The following DDR2 variants were observed in gnomAD, a reference collection of about 807,000 sequenced individuals.
DDR2 encodes the protein discoidin domain-containing receptor 2.
In DDR2, 27 loss-of-function variants were observed where a neutral mutation model predicts 94.9. That is an observed-to-expected ratio of 0.28 (90% CI 0.21 to 0.39). DDR2 has a LOEUF of 0.39. DDR2 is among the 10% of genes least tolerant of loss of function. The pLI is 1.00. For synonymous variants in DDR2, 382 were observed against 377.2 expected (o/e 1.01, Z -0.15); for missense variants, 783 against 1,076.0 (o/e 0.73, Z 3.81).
intron 2 of DDR2, among the ~76,000 whole-genome samples, chr1:162,655,874 A>G (rs1156938760): frequency 6.6e-6 from 1 of 152,248 alleles, no homozygotes; most frequent in East Asian, 1.9e-4. Flanking sequence ...CACTACAACC[A>G]GGATAATAGT....
intron 3 of DDR2, among the ~76,000 whole-genome samples, chr1:162,751,185 A>G (rs1357577543): frequency 6.6e-6 from 1 of 152,246 alleles, no homozygotes; most frequent in East Asian, 1.9e-4. Flanking sequence ...ACAGCAAAAG[A>G]AACTACCATC....
intron 1 of DDR2, among the ~76,000 whole-genome samples, chr1:162,642,269 TTATC>T (rs556187876): frequency 1.3e-5 from 2 of 151,222 alleles, no homozygotes; most frequent in South Asian, 2.1e-4. Flanking sequence ...TTTTATTTAT[TTATC>T]TATCTATCTA....
At chr1:162,746,838 G>C (rs1662894799) in intron 3 of DDR2, among the ~76,000 whole-genome samples, 3 of 152,208 alleles carry the variant, frequency 2.0e-5, no homozygotes, top group African/African-American at 4.8e-5. Context: ...AATATTTGCT[G>C]TTCTGCAGCC....
At position 162,761,386 on chromosome 1, in the gene DDR2, G is replaced by A. The variant is rs775649903; in HGVS notation, c.1031G>A (p.Ser344Asn). The part of the protein sequence containing the change: ...VTVPLHHRMA[S>N]AIKCQYHFAD... ...GTGCCTCTCCACCACCGAATGGCCA[G>A]TGCCATCAAGTGTCAATACCATTTT... The change falls in exon 9 of 18, where the codon AGT (serine) becomes AAT (asparagine). Residue 344 changes from serine to asparagine, a missense_variant. This residue lies in a region of DDR2 where 519 missense variants were observed against 647.9 expected (regional missense o/e 0.80). Transcript: ENST00000367921. The A allele has an allele frequency of 1.2e-6, 2 of 1,614,078 alleles. No individual in the cohort carries two copies. Among genetic ancestry groups the A allele is most frequent in the African/African-American group, 2.7e-5 (2 of 74,940 alleles).
chr1:162,703,821 C>T (rs1660536333), intron 2 of DDR2, among the ~76,000 whole-genome samples: 1 of 152,182 alleles, frequency 6.6e-6, no homozygotes, highest in Non-Finnish European at 1.5e-5. Flanking sequence ...CCCCTCCACC[C>T]AACCCCAGCC....
At chr1:162,734,115 CTTAT>C (rs1166055271) in intron 3 of DDR2, among the ~76,000 whole-genome samples, 4 of 152,188 alleles carry the variant, frequency 2.6e-5, no homozygotes, top group Non-Finnish European at 5.9e-5. Flanking sequence ...ACAGCAAAAA[CTTAT>C]TTATTAAATA....
chr1:162,670,160 G>A (rs1482437245), intron 2 of DDR2, among the ~76,000 whole-genome samples: 1 of 152,180 alleles, frequency 6.6e-6, no homozygotes, highest in African/African-American at 2.4e-5. Context: ...GCCCAGGCTG[G>A]AGTGCAGTGG....
rs77060974 is a variant in DDR2 at position 162,702,174 on chromosome 1, G to A, written c.-27-16863G>A. On this transcript the variant is annotated intron_variant, in intron 2 of 17. Transcript: ENST00000367921. ...TTTTTCTTCCCAGCTTCCTCCTCAC[G>A]TGGCGTTGTTGTGCATAAAGTTCTG... is the stretch of plus-strand genomic sequence containing the variant. Among the ~76,000 whole-genome samples, 253 of 152,028 alleles carry A rather than the reference G, an allele frequency of 1.7e-3. 5 individuals are homozygous for A. The East Asian group carries it at 0.036, about 21-fold the overall frequency.
At chr1:162,733,370 C>G (rs1510310) in intron 3 of DDR2, among the ~76,000 whole-genome samples, 128,513 of 152,112 alleles carry the variant, frequency 0.84, 55,028 homozygotes, top group Non-Finnish European at 0.92. Flanking sequence ...TGGTACAGCT[C>G]AGAAGTGCCA....
intron 3 of DDR2, among the ~76,000 whole-genome samples, chr1:162,746,106 A>T (rs1262274942): frequency 1.3e-5 from 2 of 152,198 alleles, no homozygotes; most frequent in Non-Finnish European, 2.9e-5. Context: ...TACTGGGTTC[A>T]TCTCACTGGG....
rs965659926 is a variant in DDR2, at chr1:162,755,444, A to G, written c.565+141A>G. The G allele has an allele frequency of 2.8e-5, 35 of 1,233,420 alleles. No individual in the cohort carries two copies. The Admixed American group carries it at 3.2e-4, about 11-fold the overall frequency. The allele number at this position is 1,233,420 out of a possible 1,614,324, so 76.4% of individuals were successfully genotyped here. ...TCTTGGGAAGAATAGAGACAGAAGC[A>G]TTGCTCATTAACCCAGGGCTTAGGG... is the stretch of plus-strand genomic sequence containing the variant. On this transcript the variant is annotated intron_variant, in intron 6 of 17. Transcript: ENST00000367921.
intron 2 of DDR2, among the ~76,000 whole-genome samples, chr1:162,667,260 CTTA>C (rs2101930594): frequency 6.6e-6 from 1 of 152,222 alleles, no homozygotes; most frequent in South Asian, 2.1e-4. Context: ...CACTTGAACA[CTTA>C]TTATTCTCTT....
At chr1:162,666,501 T>C (rs1169248690) in intron 2 of DDR2, among the ~76,000 whole-genome samples, 1 of 152,146 alleles carries the variant, frequency 6.6e-6, no homozygotes, top group Non-Finnish European at 1.5e-5. Context: ...TGCTCTGACT[T>C]ACTAGTTATG....
At chr1:162,758,693 T>C (rs917308588) in intron 7 of DDR2, among the ~76,000 whole-genome samples, 1 of 152,204 alleles carries the variant, frequency 6.6e-6, no homozygotes, top group African/African-American at 2.4e-5. Flanking sequence ...AATGATTAAA[T>C]ATATTTTAAA....
intron 2 of DDR2, among the ~76,000 whole-genome samples, chr1:162,661,611 C>T (rs1319522714): frequency 2.0e-5 from 3 of 152,200 alleles, no homozygotes; most frequent in African/African-American, 7.2e-5. Flanking sequence ...TCAGGAAATA[C>T]AGAAGAGAAG....
intron 3 of DDR2, among the ~76,000 whole-genome samples, chr1:162,750,416 A>ACCTAGGAATCCAACTTACAAGGG (rs1663126690): frequency 6.6e-6 from 1 of 152,198 alleles, no homozygotes; most frequent in East Asian, 1.9e-4. Context: ...AGAATAAAAT[A>ACCTAGGAATCCAACTTACAAGGG]CCTAGGAATC....
chr1:162,750,361 G>C (rs1252153333), intron 3 of DDR2, among the ~76,000 whole-genome samples: 2 of 152,128 alleles, frequency 1.3e-5, no homozygotes, highest in African/African-American at 4.8e-5. Flanking sequence ...GAGACAAACA[G>C]AGAGCCAAAT....
intron 8 of DDR2, among the ~76,000 whole-genome samples, chr1:162,760,737 C>T (rs547749272): frequency 6.6e-6 from 1 of 151,940 alleles, no homozygotes; most frequent in East Asian, 1.9e-4. Context: ...TACCTGTATG[C>T]ACTGTCTGCC....
At chr1:162,702,260 A>AT (rs1178110838) in intron 2 of DDR2, among the ~76,000 whole-genome samples, 1 of 151,840 alleles carries the variant, frequency 6.6e-6, no homozygotes. Context: ...TTCTTGGATT[A>AT]TTTCTTTCAT....
Sources: gnomAD v4.1 joint callset for allele counts (sites outside exome capture counted in the v4.1 genomes callset) on GRCh38, gnomAD v4.1.1 for gene constraint, gnomAD v4.1.1 regional missense constraint, MANE v1.5 for transcripts, NCBI Gene and HGNC (gene_info 2026-07-23, HGNC 2026-07-21) for gene names.